Variants in KCNH8 observed in about 807,000 individuals in gnomAD.
KCNH8 encodes voltage-gated delayed rectifier potassium channel KCNH8.
KCNH8 carries 70 observed loss-of-function variants against 103.6 expected under a neutral mutation model. The observed-to-expected ratio is 0.68, with a 90% CI of 0.56 to 0.82. The LOEUF (loss-of-function observed/expected upper bound fraction) is 0.82, where lower values mean the gene tolerates loss of function less well. Among genes scored for constraint, KCNH8 ranks in the 40% least tolerant of loss-of-function variants. KCNH8 has a pLI of 0.00. For synonymous variants in KCNH8, 498 were observed against 489.4 expected, an observed-to-expected ratio of 1.02 and a Z score of -0.23; for missense variants, 1,217 against 1,329.9, an observed-to-expected ratio of 0.92 and a Z score of 1.32.
chr3:19,456,484 A>G (rs947688542), intron 10 of KCNH8, among the ~76,000 whole-genome samples: 2 of 152,038 alleles, frequency 1.3e-5, no homozygotes, highest in African/African-American at 2.4e-5. Flanking sequence ...ATTTGTCATA[A>G]TAACATTCCA....
At chr3:19,505,648 T>A (rs1436858381) in intron 11 of KCNH8, among the ~76,000 whole-genome samples, 1 of 152,100 alleles carries the variant, frequency 6.6e-6, no homozygotes, top group Non-Finnish European at 1.5e-5. Flanking sequence ...CTTGGGGATG[T>A]CTTTCTCTTT....
At chr3:19,280,625 T>C (rs1309244168) in intron 2 of KCNH8, among the ~76,000 whole-genome samples, 3 of 152,140 alleles carry the variant, frequency 2.0e-5, no homozygotes, top group African/African-American at 7.2e-5. Context: ...TAATGTTGTA[T>C]TGTGAAACTA....
intron 8 of KCNH8, among the ~76,000 whole-genome samples, chr3:19,443,034 T>C (rs955440042): frequency 5.9e-5 from 9 of 151,972 alleles, no homozygotes; most frequent in Non-Finnish European, 1.0e-4. Context: ...TATAAATTTA[T>C]TTTGTTTACT....
At chr3:19,349,748 T>C (rs1276821414) in intron 5 of KCNH8, among the ~76,000 whole-genome samples, 1 of 152,088 alleles carries the variant, frequency 6.6e-6, no homozygotes, top group Non-Finnish European at 1.5e-5. Flanking sequence ...TTATTTGTTT[T>C]AAGGCTGCTT....
At chr3:19,303,151 A>G (rs758866748) in intron 3 of KCNH8, among the ~76,000 whole-genome samples, 6 of 152,184 alleles carry the variant, frequency 3.9e-5, no homozygotes, top group Non-Finnish European at 7.4e-5. Context: ...GAAAGCTTGA[A>G]TGATGAATAT....
At chr3:19,354,753 T>C (rs1349027260) in intron 5 of KCNH8, among the ~76,000 whole-genome samples, 1 of 152,140 alleles carries the variant, frequency 6.6e-6, no homozygotes, top group African/African-American at 2.4e-5. Flanking sequence ...AAGATTTAAA[T>C]GTTAGACCTA....
rs35694087 is a variant in KCNH8 at position 19,170,789 on chromosome 3, CATATATAT to C, written c.76+22009_76+22016del. On this transcript the variant is annotated intron_variant, in intron 1 of 15. Transcript: ENST00000328405. ...ACATATATATACACACACACACACA[CATATATAT>C]ATATATATATATATTTTTTTTTTTT... Among the ~76,000 whole-genome samples, 43 of 108,016 alleles carry C rather than the reference CATATATAT, an allele frequency of 4.0e-4. 2 individuals carry two copies. In the South Asian group the frequency reaches 0.01, roughly 26 times the overall value. 70.9% of individuals were successfully genotyped at this position (108,016 alleles called of 152,430 possible).
chr3:19,256,574 C>G (rs542586425), intron 2 of KCNH8, among the ~76,000 whole-genome samples: 1 of 152,170 alleles, frequency 6.6e-6, no homozygotes, highest in South Asian at 2.1e-4. Context: ...ACTTGTCCTT[C>G]TTAAGATAGG....
chr3:19,364,200 GTATACCCA>G (rs2125111345), intron 5 of KCNH8, among the ~76,000 whole-genome samples: 1 of 151,988 alleles, frequency 6.6e-6, no homozygotes, highest in South Asian at 2.1e-4. Context: ...ATGGAGGTCC[GTATACCCA>G]TATACCCCCA....
chr3:19,326,038 C>A (rs2065418759), intron 3 of KCNH8, among the ~76,000 whole-genome samples: 1 of 152,100 alleles, frequency 6.6e-6, no homozygotes, highest in Non-Finnish European at 1.5e-5. Flanking sequence ...TTTGCAGGGA[C>A]ATTGTTGAGG....
intron 7 of KCNH8, among the ~76,000 whole-genome samples, chr3:19,410,088 T>A (rs2066754331): frequency 6.6e-6 from 1 of 152,104 alleles, no homozygotes. Context: ...CATCTGGACA[T>A]CTGGACATGG....
At chr3:19,188,978 G>A (rs529512882) in intron 1 of KCNH8, among the ~76,000 whole-genome samples, 33 of 151,812 alleles carry the variant, frequency 2.2e-4, no homozygotes, top group African/African-American at 7.5e-4. Context: ...CACAAACTAC[G>A]GGTAGTTTTT....
chr3:19,506,607 G>A (rs1270750567), intron 11 of KCNH8, among the ~76,000 whole-genome samples: 1 of 152,130 alleles, frequency 6.6e-6, no homozygotes, highest in Non-Finnish European at 1.5e-5. Context: ...GCTGGCTGCA[G>A]ATCTCGGTTT....
intron 11 of KCNH8, among the ~76,000 whole-genome samples, chr3:19,470,181 A>C (rs965702472): frequency 6.6e-6 from 1 of 152,182 alleles, no homozygotes; most frequent in Non-Finnish European, 1.5e-5. Context: ...ATTGTAAACA[A>C]TAGACATTCA....
chr3:19,359,331 T>C (rs907917029), intron 5 of KCNH8, among the ~76,000 whole-genome samples: 7 of 151,572 alleles, frequency 4.6e-5, no homozygotes, highest in African/African-American at 1.7e-4. Context: ...CCATAATAAA[T>C]ATATGTACTT....
intron 5 of KCNH8, among the ~76,000 whole-genome samples, chr3:19,376,002 A>T (rs2066192032): frequency 1.3e-5 from 2 of 152,166 alleles, no homozygotes; most frequent in African/African-American, 2.4e-5. Context: ...CTCTCTTCAA[A>T]GCTGTCAGAC....
intron 11 of KCNH8, among the ~76,000 whole-genome samples, chr3:19,500,857 G>C (rs955657465): frequency 9.9e-5 from 15 of 151,978 alleles, no homozygotes; most frequent in Admixed American, 2.6e-4. Flanking sequence ...ACCCTAACAT[G>C]ACAATTAAAA....
At chr3:19,171,960 T>C (rs182736543) in intron 1 of KCNH8, among the ~76,000 whole-genome samples, 45 of 152,266 alleles carry the variant, frequency 3.0e-4, no homozygotes, top group African/African-American at 8.4e-4. Context: ...GACAATGGGG[T>C]AATCTCATCT....
chr3:19,316,999 C>G (rs921309962), intron 3 of KCNH8, among the ~76,000 whole-genome samples: 2 of 151,680 alleles, frequency 1.3e-5, no homozygotes, highest in African/African-American at 4.8e-5. Context: ...CTTTTTTCCT[C>G]CTGTAGTCCT....
Sources: allele counts gnomAD v4.1 joint callset (sites outside exome capture counted in the v4.1 genomes callset), GRCh38; gene constraint gnomAD v4.1.1; transcripts MANE v1.5; gene names NCBI Gene and HGNC (gene_info 2026-07-23, HGNC 2026-07-21).